VWF: variants seen among roughly 807,000 people sequenced by gnomAD.
VWF encodes the protein Factor VIII related antigen.
A neutral mutation model predicts 308.6 loss-of-function variants in VWF; 176 were observed. The ratio of observed to expected loss-of-function variants is 0.57; its 90% CI spans 0.50 to 0.65. VWF has a LOEUF of 0.65. Ranked by LOEUF, VWF falls within the 30% of genes least tolerant of loss-of-function variation. The pLI, the probability that VWF is intolerant of heterozygous loss-of-function variation, is 0.00. For missense variants in VWF, 3,146 were observed against 3,648.2 expected, an observed-to-expected ratio of 0.86 and a Z score of 3.55; for synonymous variants, 1,385 against 1,443.4, an observed-to-expected ratio of 0.96 and a Z score of 0.92.
At chr12:6,076,280 A>G (rs1186643534) in intron 6 of VWF, among the ~76,000 whole-genome samples, 7 of 152,136 alleles carry the variant, frequency 4.6e-5, no homozygotes. Flanking sequence ...CTCACTCACG[A>G]GTATCAACGA....
chr12:6,028,390 G>T (rs182536771), intron 22 of VWF, among the ~76,000 whole-genome samples: 2 of 152,120 alleles, frequency 1.3e-5, no homozygotes, highest in Non-Finnish European at 2.9e-5. Flanking sequence ...TTGTCATTCA[G>T]ATTCAAGAAA....
At chr12:5,950,262 G>A (rs1040946854) in intron 50 of VWF, among the ~76,000 whole-genome samples, 8 of 152,164 alleles carry the variant, frequency 5.3e-5, no homozygotes, top group African/African-American at 1.7e-4. Flanking sequence ...CAATGAAGTA[G>A]TCAATAAGTA....
At chr12:5,957,527 G>C (rs984811863) in intron 47 of VWF, among the ~76,000 whole-genome samples, 2 of 152,014 alleles carry the variant, frequency 1.3e-5, no homozygotes, top group African/African-American at 2.4e-5. Context: ...CCAATAGAAG[G>C]GGGGAAATGC....
At chr12:6,106,703 C>T (rs748169356) in intron 5 of VWF, among the ~76,000 whole-genome samples, 1 of 151,930 alleles carries the variant, frequency 6.6e-6, no homozygotes, top group South Asian at 2.1e-4. Flanking sequence ...GGTGAAACCC[C>T]GTCTCTACTA....
At chr12:6,124,104 TC>T (rs1430670580) in intron 1 of VWF, among the ~76,000 whole-genome samples, 1 of 152,044 alleles carries the variant, frequency 6.6e-6, no homozygotes, top group Admixed American at 6.6e-5. Flanking sequence ...CAAGCAGGTG[TC>T]CCCTCCCAGT....
rs1481285988 is a variant in VWF, at chr12:6,029,246, G to A, written c.2967+96C>T. 7 of 1,536,728 alleles carry A rather than the reference G, an allele frequency of 4.6e-6. No individual in the cohort carries two copies. The Admixed American group carries it at 1.2e-4, about 26-fold the overall frequency. On this transcript the variant is annotated intron_variant, in intron 22 of 51. Coordinates refer to ENST00000261405, the MANE Select transcript of VWF (RefSeq NM_000552.5). ...TATGCACCCAACACAGGAGCACCTG[G>A]ATTCATAAAGCAAGTCCTTAGAGAC...
Position 6,063,699 on chromosome 12 carries a change from T to C in VWF, c.1432+547A>G, listed in dbSNP as rs1347812469. Among the ~76,000 whole-genome samples the C allele has an allele frequency of 6.6e-6, 1 of 152,054 alleles. No homozygotes were observed. Among genetic ancestry groups the C allele is most frequent in the Non-Finnish European group, 1.5e-5 (1 of 68,006 alleles). On this transcript the variant is annotated intron_variant, in intron 12 of 51. Coordinates refer to ENST00000261405, the MANE Select transcript of VWF (RefSeq NM_000552.5). The surrounding 1 kb of genome is among the most constrained non-coding windows in gnomAD (Gnocchi z 4.9). ...AAGAGTCTGAGAGCCACTTTGAGTG[T>C]GAAGTTTGGGAGCTTTACCATGCAA...
Position 5,949,737 on chromosome 12 carries a change from C to T in VWF, c.8253+49G>A, listed in dbSNP as rs752282832. ...GTAACTAAGGATAGGTATCCGAACA[C>T]GGAGGCTCAGCCCTCCACACCCAGC... On this transcript the variant is annotated intron_variant, in intron 51 of 51. Transcript: ENST00000261405. 11 of 1,557,746 alleles carry T rather than the reference C, an allele frequency of 7.1e-6. No homozygotes were observed. The East Asian group carries it at 1.6e-4, about 22-fold the overall frequency.
At chr12:5,966,345 G>A (rs192945549) in intron 47 of VWF, among the ~76,000 whole-genome samples, 1 of 152,248 alleles carries the variant, frequency 6.6e-6, no homozygotes, top group East Asian at 1.9e-4. Context: ...CATCAACTGG[G>A]ATTTTTAAAA....
At chr12:6,057,460 GC>G (rs1461198940) in intron 14 of VWF, among the ~76,000 whole-genome samples, 1 of 143,446 alleles carries the variant, frequency 7.0e-6, no homozygotes, top group Non-Finnish European at 1.5e-5. Context: ...TTACAGGCGC[GC>G]CCCACCACGC....
intron 3 of VWF, among the ~76,000 whole-genome samples, chr12:6,119,805 C>T (rs183367029): frequency 1.3e-5 from 2 of 152,286 alleles, no homozygotes; most frequent in East Asian, 3.9e-4. Context: ...TCGCACCACT[C>T]ACTGCACTCC....
chr12:6,107,685 G>A (rs2136517818), intron 5 of VWF, among the ~76,000 whole-genome samples: 1 of 152,026 alleles, frequency 6.6e-6, no homozygotes, highest in East Asian at 1.9e-4. Context: ...TTGAGACGGA[G>A]TCTCACTCTG....
In VWF at chr12:6,057,004, T is replaced by A. The variant is rs752491954; in HGVS notation, c.1798A>T (p.Ser600Cys). Residue 600 changes from serine (S) to cysteine (C), a missense_variant, in exon 15 of 52, where the codon AGC (serine) becomes TGC (cysteine). By Grantham distance (112) the Ser-to-Cys change is moderately radical (BLOSUM62 -1). This residue lies in a region of VWF where 1,304 missense variants were observed against 1,353.0 expected (regional missense o/e 0.96). Transcript: ENST00000261405. ...CAGTTCCGCAGGTAGGGCAGCGGGC[T>A]GACGGCACGATGGCAGGCCTCGAAT... ...PTFEACHRAV[S>C]PLPYLRNCRY... The A allele has an allele frequency of 5.2e-6, 8 of 1,548,664 alleles. No individual in the cohort carries two copies. Among genetic ancestry groups the A allele is most frequent in the Non-Finnish European group, 6.9e-6 (8 of 1,152,054 alleles).
chr12:6,052,623 C>T lies in VWF; in HGVS notation c.2106G>A (p.Val702=). 1 of 1,614,258 alleles carries T rather than the reference C, an allele frequency of 6.2e-7. No individual in the cohort carries two copies. The highest frequency in any genetic ancestry group is 1.7e-5 in the Admixed American group (1 of 60,034). Residue 702 remains valine, a synonymous_variant, in exon 16 of 52, where the codon GTG becomes GTA. Transcript: ENST00000261405. ...AGTAACAGGGGCACTGGGCCTTGGG[C>T]ACGCAGTCCCCCCTCTCATCCATGT... ...GLYMDERGDC[V]PKAQCPCYYD...
intron 42 of VWF, among the ~76,000 whole-genome samples, chr12:5,977,360 A>G (rs1943543656): frequency 6.6e-6 from 1 of 152,220 alleles, no homozygotes; most frequent in Non-Finnish European, 1.5e-5. Flanking sequence ...TGTTGAAACA[A>G]AACTATGGTG....
At chr12:5,986,065 G>A (rs188743312) in intron 38 of VWF, among the ~76,000 whole-genome samples, 10 of 152,298 alleles carry the variant, frequency 6.6e-5, no homozygotes, top group Middle Eastern at 3.4e-3. Context: ...TAGGAAGAGC[G>A]GTGGGGAGGA....
intron 43 of VWF, among the ~76,000 whole-genome samples, chr12:5,974,341 G>A (rs938609227): frequency 6.6e-6 from 1 of 152,118 alleles, no homozygotes; most frequent in Non-Finnish European, 1.5e-5. Context: ...CTCTAAGACA[G>A]GGCACTCGAT....
intron 40 of VWF, 108 bp from the exon 41 acceptor site, chr12:5,983,362 G>T: frequency 9.4e-7 from 1 of 1,063,312 alleles, no homozygotes; most frequent in Non-Finnish European, 1.4e-6. Context: ...TACTGTTTTA[G>T]GTAAGTGATG....
At chr12:6,040,866 C>T (rs1944388756) in intron 18 of VWF, among the ~76,000 whole-genome samples, 1 of 152,140 alleles carries the variant, frequency 6.6e-6, no homozygotes, top group Non-Finnish European at 1.5e-5. Context: ...TCTCTGCCCC[C>T]GCCAATATTT....
Sources: gnomAD v4.1 joint callset for allele counts (sites outside exome capture counted in the v4.1 genomes callset) on GRCh38, gnomAD v4.1.1 for gene constraint, gnomAD v4.1.1 regional missense constraint, Gnocchi (gnomAD v3.1) non-coding constraint, MANE v1.5 for transcripts, NCBI Gene and HGNC (gene_info 2026-07-23, HGNC 2026-07-21) for gene names.